The following SAXO1 variants were observed in gnomAD, a reference collection of about 807,000 sequenced individuals.
SAXO1 encodes stabilizer of axonemal microtubules 1, also known as 4930500O09Rik.
In SAXO1, 21 loss-of-function variants were observed where a neutral mutation model predicts 17.5. The ratio of observed to expected loss-of-function variants is 1.20; its 90% CI spans 0.85 to 1.72. The LOEUF (loss-of-function observed/expected upper bound fraction) is 1.72, where lower values mean the gene tolerates loss of function less well. SAXO1 is among the 40% of genes most tolerant of loss of function. SAXO1 has a pLI of 0.00. For missense variants in SAXO1, 843 were observed against 596.0 expected (o/e 1.41, Z -4.32); for synonymous variants, 274 against 216.5 (o/e 1.27, Z -2.33).
chr9:19,023,623 A>G (rs1191365373), intron 1 of SAXO1, among the ~76,000 whole-genome samples: 1 of 152,176 alleles, frequency 6.6e-6, no homozygotes. Flanking sequence ...TCACTTAATC[A>G]TGTGTTAAAT....
chr9:18,948,704 C>G (rs1230908550), intron 2 of SAXO1, among the ~76,000 whole-genome samples: 1 of 152,098 alleles, frequency 6.6e-6, no homozygotes, highest in Admixed American at 6.6e-5. Flanking sequence ...GTCTTCCGCC[C>G]CAGACCAAGG....
chr9:19,010,077 C>T (rs964964561), intron 1 of SAXO1, among the ~76,000 whole-genome samples: 1 of 152,054 alleles, frequency 6.6e-6, no homozygotes, highest in African/African-American at 2.4e-5. Context: ...GATCCACCAG[C>T]CTTGGCCTCC....
intron 3 of SAXO1, among the ~76,000 whole-genome samples, chr9:18,941,029 G>A (rs1427885662): frequency 6.6e-6 from 1 of 152,148 alleles, no homozygotes; most frequent in Non-Finnish European, 1.5e-5. Context: ...ATATGGATTT[G>A]TTCAGTGCAA....
At chr9:18,999,349 T>A (rs1031855586) in intron 1 of SAXO1, among the ~76,000 whole-genome samples, 1 of 152,130 alleles carries the variant, frequency 6.6e-6, no homozygotes, top group Non-Finnish European at 1.5e-5. Context: ...GGCTGGCAAG[T>A]GACGAGTGCC....
At chr9:18,963,091 C>A (rs955922374) in intron 1 of SAXO1, among the ~76,000 whole-genome samples, 11 of 152,148 alleles carry the variant, frequency 7.2e-5, no homozygotes, top group African/African-American at 2.4e-4. Context: ...TCAGATTTAT[C>A]AAAGATCAGA....
At chr9:18,945,116 C>T (rs1831732902) in intron 2 of SAXO1, among the ~76,000 whole-genome samples, 1 of 152,168 alleles carries the variant, frequency 6.6e-6, no homozygotes, top group Non-Finnish European at 1.5e-5. Flanking sequence ...AAACAAGACA[C>T]TATCCTCACT....
At chr9:18,942,070 G>C (rs73648808) in intron 2 of SAXO1, among the ~76,000 whole-genome samples, 5,096 of 119,840 alleles carry the variant, frequency 0.043, 287 homozygotes, top group African/African-American at 0.22. Context: ...CTTTCCTCAC[G>C]GCCCCAGAGT....
chr9:19,022,891 T>C (rs1364101489), intron 1 of SAXO1, among the ~76,000 whole-genome samples: 1 of 152,226 alleles, frequency 6.6e-6, no homozygotes, highest in Non-Finnish European at 1.5e-5. Flanking sequence ...GGGTATGCTA[T>C]GCAGGGAGTA....
At chr9:18,966,173 C>T (rs1395425498) in intron 1 of SAXO1, among the ~76,000 whole-genome samples, 3 of 152,308 alleles carry the variant, frequency 2.0e-5, no homozygotes, top group Middle Eastern at 3.4e-3. Context: ...ATGCCCTTAA[C>T]ATTTTTTTCA....
chr9:18,991,812 T>C (rs113512111), intron 1 of SAXO1, among the ~76,000 whole-genome samples: 16 of 152,176 alleles, frequency 1.1e-4, no homozygotes, highest in South Asian at 4.2e-4. Flanking sequence ...CACAGAAAAA[T>C]TGGCTTCCAC....
rs531480962 is a variant in SAXO1, at chr9:18,998,015, C to T, written c.38+34856G>A. On this transcript the variant is annotated intron_variant, in intron 1 of 3. Coordinates refer to ENST00000380534, the MANE Select transcript of SAXO1 (RefSeq NM_153707.4). ...TAAAACCTCTAACATGGAGAGAAAC[C>T]AGAGCAGAAAGGCTGAAAATTCCAA... Among the ~76,000 whole-genome samples the T allele has an allele frequency of 5.3e-4, 80 of 152,222 alleles. 1 individual carries two copies. Among genetic ancestry groups the T allele is most frequent in the African/African-American group, 1.9e-3 (78 of 41,538 alleles).
Position 18,928,597 on chromosome 9 carries a change from A to T in SAXO1, c.880T>A (p.Tyr294Asn). 6.2e-7 allele frequency: 1 copy of T among 1,614,136 alleles called. No homozygotes were observed. Among genetic ancestry groups the T allele is most frequent in the Non-Finnish European group, 8.5e-7 (1 of 1,180,024 alleles). ...PRMFSKAPIT[Y>N]VPPEDRMDLL... ...TCCATCCTGTCTTCGGGAGGGACGT[A>T]GGTGATGGGAGCTTTGGAGAACATC... Residue 294 changes from tyrosine (Y) to asparagine (N), a missense_variant, in exon 4 of 4, where the codon TAC becomes AAC. Transcript: ENST00000380534.
intron 3 of SAXO1, among the ~76,000 whole-genome samples, chr9:18,940,956 C>A (rs1831526910): frequency 6.6e-6 from 1 of 152,148 alleles, no homozygotes; most frequent in African/African-American, 2.4e-5. Context: ...TGGTTATATT[C>A]TCATTGGGGA....
chr9:18,953,625 C>T lies in SAXO1; in HGVS notation c.39-2688G>A, dbSNP rs181224854. On this transcript the variant is annotated intron_variant, in intron 1 of 3. Coordinates refer to ENST00000380534, the MANE Select transcript of SAXO1 (RefSeq NM_153707.4). ...GAGTCATCTCCTTTCCCTACCTGCA[C>T]CATGAATGCCCTGAATACCCCTCCC... is the stretch of plus-strand genomic sequence containing the variant. 2.0e-5 allele frequency among the ~76,000 whole-genome samples: 3 copies of T among 152,250 alleles called. No homozygotes were observed. The East Asian group carries it at 5.8e-4, about 29-fold the overall frequency.
In SAXO1 at chr9:18,950,802, C is replaced by T. The variant is rs758231016; in HGVS notation, c.174G>A (p.Glu58=). 1.9e-6 allele frequency: 3 copies of T among 1,613,720 alleles called. No homozygotes were observed. The highest frequency in any genetic ancestry group is 2.5e-6 in the Non-Finnish European group (3 of 1,179,702). Residue 58 remains glutamate (E), a synonymous_variant, in exon 2 of 4, where the codon GAG becomes GAA. Transcript: ENST00000380534. ...LPRESFKPRR[E]YQKGPIPMEG... Reference sequence around the variant, plus strand: ...CCATTGGTATAGGCCCTTTCTGGTACTCCCGCCTTGGCTTGAAGGACTCTC... The same window carrying T: ...CCATTGGTATAGGCCCTTTCTGGTATTCCCGCCTTGGCTTGAAGGACTCTC...
intron 3 of SAXO1, among the ~76,000 whole-genome samples, chr9:18,936,857 G>A (rs1017092391): frequency 7.9e-5 from 12 of 152,140 alleles, no homozygotes; most frequent in Admixed American, 2.0e-4. Flanking sequence ...ACCAAATGCC[G>A]CTAAAGCATA....
chr9:18,964,556 G>A (rs959259263), intron 1 of SAXO1, among the ~76,000 whole-genome samples: 1 of 152,038 alleles, frequency 6.6e-6, no homozygotes, highest in African/African-American at 2.4e-5. Context: ...TAGTTTATTT[G>A]CAAAGAGGTA....
chr9:19,032,811 T>C, intron 1 of SAXO1, 60 bp downstream of exon 1: 1 of 1,583,204 alleles, frequency 6.3e-7, no homozygotes. Context: ...GAGGCTTCCC[T>C]TCCTCGGGAG....
intron 1 of SAXO1, among the ~76,000 whole-genome samples, chr9:19,038,620 G>T (rs796449187): frequency 8.9e-6 from 1 of 111,786 alleles, no homozygotes; most frequent in Non-Finnish European, 1.7e-5. Flanking sequence ...GGTGGGGGGA[G>T]GGGGGAGGGA....
Sources: gnomAD v4.1 joint callset for allele counts (sites outside exome capture counted in the v4.1 genomes callset) on GRCh38, gnomAD v4.1.1 for gene constraint, MANE v1.5 for transcripts, NCBI Gene and HGNC (gene_info 2026-07-23, HGNC 2026-07-21) for gene names.